The following ASIC2 variants were observed in gnomAD, a reference collection of about 807,000 sequenced individuals.
ASIC2 encodes acid sensing ion channel subunit 2, also known as acid-sensing ion channel 2.
In ASIC2, 25 loss-of-function variants were observed where a neutral mutation model predicts 57.3. The observed-to-expected ratio is 0.44, with a 90% CI of 0.32 to 0.61. The LOEUF (loss-of-function observed/expected upper bound fraction) is 0.61, where lower values mean the gene tolerates loss of function less well. ASIC2 is among the 20% of genes least tolerant of loss of function. The probability of loss-of-function intolerance (pLI) is 0.06; values close to 1 mark genes in which losing one functional copy is unlikely to be tolerated. For missense variants in ASIC2, 641 were observed against 738.1 expected (o/e 0.87, Z 1.52); for synonymous variants, 319 against 307.5 (o/e 1.04, Z -0.39).
chr17:33,400,509 C>T (rs776428384), intron 1 of ASIC2, among the ~76,000 whole-genome samples: 4 of 152,190 alleles, frequency 2.6e-5, no homozygotes, highest in South Asian at 2.1e-4. Context: ...ATGACCTCTC[C>T]GACTCTACTC....
intron 3 of ASIC2, among the ~76,000 whole-genome samples, chr17:33,066,756 G>A (rs973813023): frequency 2.6e-5 from 4 of 152,174 alleles, no homozygotes; most frequent in African/African-American, 9.7e-5. Flanking sequence ...GGAAACCACG[G>A]CTTAGAGCTT....
intron 2 of ASIC2, among the ~76,000 whole-genome samples, chr17:33,104,030 T>C (rs1423559841): frequency 1.3e-5 from 2 of 152,210 alleles, no homozygotes; most frequent in Non-Finnish European, 2.9e-5. Context: ...ATGATGTCTA[T>C]TGGCCTTTGC....
At chr17:33,028,505 T>G (rs2091868188) in intron 3 of ASIC2, 113 bp from the exon 4 acceptor site, 19 of 1,334,870 alleles carry the variant, frequency 1.4e-5, no homozygotes, top group Non-Finnish European at 1.9e-5. Flanking sequence ...ATTAACTTTA[T>G]AGACCTTCAA....
intron 1 of ASIC2, among the ~76,000 whole-genome samples, chr17:33,979,874 C>T (rs917602755): frequency 6.6e-6 from 1 of 152,162 alleles, no homozygotes; most frequent in Admixed American, 6.5e-5. Flanking sequence ...CTCAGTCTCT[C>T]TTGAATGGAA....
chr17:33,513,671 AC>A (rs1318440372), intron 1 of ASIC2, among the ~76,000 whole-genome samples: 2 of 152,224 alleles, frequency 1.3e-5, no homozygotes, highest in East Asian at 1.9e-4. Context: ...AAGTTGGGGA[AC>A]AAAACCCCAT....
At chr17:33,576,529 C>T (rs1016634968) in intron 1 of ASIC2, among the ~76,000 whole-genome samples, 3 of 152,156 alleles carry the variant, frequency 2.0e-5, no homozygotes, top group Non-Finnish European at 2.9e-5. Context: ...GTTCTAGAGC[C>T]AGATTGCCTC....
At chr17:33,142,404 C>A (rs529231158) in intron 1 of ASIC2, among the ~76,000 whole-genome samples, 2 of 152,296 alleles carry the variant, frequency 1.3e-5, no homozygotes, top group African/African-American at 4.8e-5. Flanking sequence ...TCTTATCACC[C>A]AGCTGCTTCT....
intron 1 of ASIC2, among the ~76,000 whole-genome samples, chr17:33,987,600 C>G (rs1294182912): frequency 6.6e-6 from 1 of 152,126 alleles, no homozygotes; most frequent in Non-Finnish European, 1.5e-5. Flanking sequence ...GACTAGGACA[C>G]AGGCCTAGAA....
chr17:33,578,033 G>T (rs1417688284), intron 1 of ASIC2, among the ~76,000 whole-genome samples: 1 of 152,134 alleles, frequency 6.6e-6, no homozygotes, highest in Non-Finnish European at 1.5e-5. Context: ...GAGGACTCAA[G>T]GACTGTACTT....
chr17:33,310,717 G>C (rs1250336161), intron 1 of ASIC2, among the ~76,000 whole-genome samples: 1 of 152,156 alleles, frequency 6.6e-6, no homozygotes, highest in African/African-American at 2.4e-5. Context: ...CCAAGACACA[G>C]CGTCTTCTCT....
At chr17:34,039,696 G>T (rs1908031030) in intron 1 of ASIC2, 1 of 1,612,242 alleles carries the variant, frequency 6.2e-7, no homozygotes, top group East Asian at 2.2e-5. Context: ...GATTTCGCTG[G>T]TCATTCTGCT....
intron 1 of ASIC2, among the ~76,000 whole-genome samples, chr17:33,375,330 T>C (rs1289572430): frequency 6.7e-6 from 1 of 149,710 alleles, no homozygotes; most frequent in Non-Finnish European, 1.5e-5. Flanking sequence ...TGACGGGCTC[T>C]CAGGCAGGCC....
chr17:33,703,840 C>G (rs1199227271), intron 1 of ASIC2, among the ~76,000 whole-genome samples: 6 of 152,160 alleles, frequency 3.9e-5, no homozygotes, highest in African/African-American at 1.2e-4. Flanking sequence ...TGTCCTCCCC[C>G]TTAGCTAGGT....
At chr17:34,068,716 C>T (rs1158550273) in intron 1 of ASIC2, among the ~76,000 whole-genome samples, 1 of 152,178 alleles carries the variant, frequency 6.6e-6, no homozygotes, top group African/African-American at 2.4e-5. Flanking sequence ...TGACAGCAGA[C>T]CTTTAGCGTT....
At chr17:33,911,663 T>C (rs1915464868) in intron 1 of ASIC2, among the ~76,000 whole-genome samples, 2 of 152,190 alleles carry the variant, frequency 1.3e-5, no homozygotes, top group African/African-American at 4.8e-5. Context: ...GGAACATATA[T>C]TGGGATAGAC....
At chr17:33,062,175 G>T (rs1006779681) in intron 3 of ASIC2, among the ~76,000 whole-genome samples, 1 of 152,132 alleles carries the variant, frequency 6.6e-6, no homozygotes, top group African/African-American at 2.4e-5. Flanking sequence ...GTTCTGCTCT[G>T]ATCTTGGTTG....
At chr17:33,769,812 A>T (rs1030084056) in intron 1 of ASIC2, among the ~76,000 whole-genome samples, 3 of 152,188 alleles carry the variant, frequency 2.0e-5, no homozygotes, top group African/African-American at 7.2e-5. Context: ...AGTGAGGCTC[A>T]CTTCCTTGTG....
At chr17:33,239,487 C>A (rs1208086931) in intron 1 of ASIC2, among the ~76,000 whole-genome samples, 1 of 152,214 alleles carries the variant, frequency 6.6e-6, no homozygotes, top group Non-Finnish European at 1.5e-5. Context: ...AGTGAAAACT[C>A]TGCAGGACAG....
chr17:33,575,246 G>A (rs1371661075), intron 1 of ASIC2, among the ~76,000 whole-genome samples: 1 of 152,176 alleles, frequency 6.6e-6, no homozygotes, highest in African/African-American at 2.4e-5. Flanking sequence ...TGAAGGTAGA[G>A]ATGCAAACAG....
Sources: gnomAD v4.1 joint callset for allele counts (sites outside exome capture counted in the v4.1 genomes callset) on GRCh38, gnomAD v4.1.1 for gene constraint, MANE v1.5 for transcripts, NCBI Gene and HGNC (gene_info 2026-07-23, HGNC 2026-07-21) for gene names.